Variants in DENND4C observed in about 807,000 individuals in gnomAD.
DENND4C encodes the protein DENN domain-containing protein 4C.
In DENND4C, 108 loss-of-function variants were observed where a neutral mutation model predicts 203.0. That is an observed-to-expected ratio of 0.53 (90% CI 0.46 to 0.62). The LOEUF (loss-of-function observed/expected upper bound fraction) is 0.62, where lower values mean the gene tolerates loss of function less well. Ranked by LOEUF, DENND4C falls within the 20% of genes least tolerant of loss-of-function variation. The pLI is 0.00. For synonymous variants in DENND4C, 871 were observed against 792.4 expected, an observed-to-expected ratio of 1.10 and a Z score of -1.67; for missense variants, 2,481 against 2,301.2, an observed-to-expected ratio of 1.08 and a Z score of -1.60.
chr9:19,337,224 C>T (rs1351713648), intron 20 of DENND4C, among the ~76,000 whole-genome samples: 2 of 152,156 alleles, frequency 1.3e-5, no homozygotes, highest in Non-Finnish European at 2.9e-5. Flanking sequence ...GGAAGGAAGT[C>T]ACACAATGAG....
intron 10 of DENND4C, among the ~76,000 whole-genome samples, chr9:19,312,078 GA>G (rs550170763): frequency 6.6e-6 from 1 of 152,026 alleles, no homozygotes; most frequent in Non-Finnish European, 1.5e-5. Flanking sequence ...TCTGTATTGG[GA>G]AAAAAATCAC....
intron 1 of DENND4C, among the ~76,000 whole-genome samples, chr9:19,258,346 C>T (rs1272463073): frequency 6.6e-6 from 1 of 152,190 alleles, no homozygotes. Flanking sequence ...TTTTTCCCAA[C>T]TTGTTCTGTC....
Position 19,346,760 on chromosome 9 carries a change from G to A in DENND4C, c.3991G>A (p.Asp1331Asn), listed in dbSNP as rs780792575. The change falls in exon 23 of 33, where the codon GAT becomes AAT. Residue 1331 changes from aspartate (D) to asparagine (N), a missense_variant. Transcript: ENST00000434457. ...ALERRSSLPL[D>N]HGSPAQENPE... ...AGAGAGGAGATCAAGCCTACCTTTA[G>A]ATCATGGTTCACCAGCACAGGAAAA... The A allele has an allele frequency of 6.2e-7, 1 of 1,614,160 alleles. No homozygotes were observed. Among genetic ancestry groups the A allele is most frequent in the South Asian group, 1.1e-5 (1 of 91,082 alleles).
Position 19,346,588 on chromosome 9 carries a change from T to A in DENND4C, c.3819T>A (p.Phe1273Leu). Residue 1273 changes from phenylalanine to leucine, a missense_variant, in exon 23 of 33, where the codon TTT (phenylalanine) becomes TTA (leucine). By Grantham distance (22) the Phe-to-Leu change is conservative (BLOSUM62 0). Around this residue, in one of 3 missense-constraint regions of DENND4C, gnomAD observed 2,289 missense variants for 2,113.3 expected, o/e 1.08. Coordinates refer to ENST00000434457, the MANE Select transcript of DENND4C (RefSeq NM_001330640.2). ...GKTPDSEDKLFSPVIARNLAD... is the reference protein window; with the variant it reads ...GKTPDSEDKLLSPVIARNLAD... ...CTCCTGATTCTGAAGATAAGTTGTT[T>A]TCTCCAGTTATTGCACGTAATCTGG... is the stretch of plus-strand genomic sequence containing the variant. 1 of 1,614,202 alleles carries A rather than the reference T, an allele frequency of 6.2e-7. No individual in the cohort carries two copies. The highest frequency in any genetic ancestry group is 1.1e-5 in the South Asian group (1 of 91,078).
intron 1 of DENND4C, among the ~76,000 whole-genome samples, chr9:19,246,848 G>T (rs943250805): frequency 2.0e-5 from 3 of 151,966 alleles, no homozygotes; most frequent in African/African-American, 7.3e-5. Flanking sequence ...AACTTCAATA[G>T]GGATGGCAAA....
Position 19,296,242 on chromosome 9 carries a change from G to T in DENND4C, c.1036G>T (p.Glu346Ter). The T allele has an allele frequency of 6.3e-7, 1 of 1,587,556 alleles. No individual in the cohort carries two copies. Residue 346 changes from glutamate (E) to a stop codon, truncating the protein, a stop_gained, in exon 6 of 33, where the codon GAA becomes TAA. Transcript: ENST00000434457. LOFTEE classifies it high-confidence loss of function. ...GTCTGGACCACATCCTCTTCCCATT[G>T]AAAAGTATGTATAATGATTAGAAAG... ...SVSGPHPLPI[E>*]KHISHFMQNI...
chr9:19,286,081 T>A (rs890929780), intron 2 of DENND4C, among the ~76,000 whole-genome samples: 6 of 152,176 alleles, frequency 3.9e-5, no homozygotes, highest in Non-Finnish European at 5.9e-5. Flanking sequence ...AATTTATTGA[T>A]CTATTTGAGG....
At chr9:19,318,496 CAAAATG>C (rs552614105) in intron 12 of DENND4C, among the ~76,000 whole-genome samples, 140 of 152,146 alleles carry the variant, frequency 9.2e-4, no homozygotes, top group Non-Finnish European at 1.5e-3. Flanking sequence ...ATGGTAATAA[CAAAATG>C]GAAATAGCCT....
chr9:19,247,863 C>G (rs535428095), intron 1 of DENND4C, among the ~76,000 whole-genome samples: 2 of 152,316 alleles, frequency 1.3e-5, no homozygotes, highest in African/African-American at 2.4e-5. Flanking sequence ...GGAAATCATA[C>G]TTGCTTTCTC....
intron 1 of DENND4C, among the ~76,000 whole-genome samples, chr9:19,271,595 G>T (rs113325974): frequency 0.014 from 2,110 of 152,272 alleles, 43 homozygotes; most frequent in African/African-American, 0.048. Flanking sequence ...GCCCAGTGAG[G>T]TGGCTCACGC....
chr9:19,300,721 A>T (rs929886706), intron 9 of DENND4C, among the ~76,000 whole-genome samples: 3 of 152,260 alleles, frequency 2.0e-5, no homozygotes, highest in African/African-American at 7.2e-5. Flanking sequence ...AACTTTTAAT[A>T]ATTGTGAATC....
intron 1 of DENND4C, among the ~76,000 whole-genome samples, chr9:19,234,443 G>T (rs748084135): frequency 4.6e-5 from 7 of 151,178 alleles, no homozygotes; most frequent in Non-Finnish European, 8.8e-5. Flanking sequence ...TGTTAGCCAG[G>T]ATGGTCTTGA....
chr9:19,250,948 T>TG (rs929049843), intron 1 of DENND4C, among the ~76,000 whole-genome samples: 2 of 152,174 alleles, frequency 1.3e-5, no homozygotes, highest in African/African-American at 2.4e-5. Flanking sequence ...AGGAGAACGA[T>TG]GCAAACTGTG....
At chr9:19,348,900 C>T (rs1263252792) in intron 23 of DENND4C, among the ~76,000 whole-genome samples, 1 of 152,160 alleles carries the variant, frequency 6.6e-6, no homozygotes, top group African/African-American at 2.4e-5. Context: ...CCTTGACCCC[C>T]TGGGCTCAAG....
rs1829176346 is a variant in DENND4C, at chr9:19,373,501, ATATT to A, written c.*1331_*1334del. ...CTGCACACGGAAGTTTTATTCTTGTATATTTAGATTTGTATGCTTGTGAGTAAAA... is the reference window on the plus strand; with the variant it reads ...CTGCACACGGAAGTTTTATTCTTGTATAGATTTGTATGCTTGTGAGTAAAA... On this transcript the variant is annotated 3_prime_UTR_variant, in exon 33 of 33. Transcript: ENST00000434457. 1 of 152,590 alleles carries A rather than the reference ATATT, an allele frequency of 6.6e-6. No individual in the cohort carries two copies. The highest frequency in any genetic ancestry group is 2.4e-5 in the African/African-American group (1 of 41,446). The allele number at this position is 152,590 out of a possible 1,614,324, so 9.5% of individuals were successfully genotyped here. A position where few individuals can be genotyped will look rare whatever the true frequency, so the allele number is the denominator to read the frequency against.
At chr9:19,367,527 G>A (rs1309906957) in intron 30 of DENND4C, among the ~76,000 whole-genome samples, 5 of 152,272 alleles carry the variant, frequency 3.3e-5, no homozygotes, top group African/African-American at 1.2e-4. Context: ...CTTGAGGTCA[G>A]GAGTTCGAGA....
intron 20 of DENND4C, among the ~76,000 whole-genome samples, chr9:19,338,302 C>G (rs1267958464): frequency 6.6e-6 from 1 of 151,768 alleles, no homozygotes; most frequent in East Asian, 1.9e-4. Flanking sequence ...AAAACGTTTA[C>G]CAGGAATAGT....
intron 26 of DENND4C, among the ~76,000 whole-genome samples, chr9:19,354,643 C>T (rs1824966884): frequency 6.6e-6 from 1 of 151,120 alleles, no homozygotes; most frequent in Admixed American, 6.6e-5. Context: ...CGTCTGCCTC[C>T]CAGGTTGAAG....
Position 19,324,378 on chromosome 9 carries a change from A to G in DENND4C, c.1824A>G (p.Arg608=). 6.3e-7 allele frequency: 1 copy of G among 1,591,988 alleles called. No individual in the cohort carries two copies. Among genetic ancestry groups the G allele is most frequent in the Non-Finnish European group, 8.5e-7 (1 of 1,174,288 alleles). ...TTTCCTCAGGATTTTTAAAAAGTCGAGATCGTGCCTATGCAAAATTCTATA... is the reference window on the plus strand; with the variant it reads ...TTTCCTCAGGATTTTTAAAAAGTCGGGATCGTGCCTATGCAAAATTCTATA... ...LFDRQGFLKS[R]DRAYAKFYTL... The change falls in exon 13 of 33, where the codon CGA becomes CGG. Residue 608 remains arginine (R), a synonymous_variant. Coordinates refer to ENST00000434457, the MANE Select transcript of DENND4C (RefSeq NM_001330640.2).
Sources: allele counts gnomAD v4.1 joint callset (sites outside exome capture counted in the v4.1 genomes callset), GRCh38; gene constraint gnomAD v4.1.1; regional missense constraint gnomAD v4.1.1; transcripts MANE v1.5; gene names NCBI Gene and HGNC (gene_info 2026-07-23, HGNC 2026-07-21).